Variants in RIC1 observed in about 807,000 individuals in gnomAD.
RIC1 encodes guanine nucleotide exchange factor subunit RIC1.
In RIC1, 88 loss-of-function variants were observed where a neutral mutation model predicts 169.0. That is an observed-to-expected ratio of 0.52 (90% CI 0.44 to 0.62). The LOEUF (loss-of-function observed/expected upper bound fraction) is 0.62. Among genes scored for constraint, RIC1 ranks in the 20% least tolerant of loss-of-function variants. RIC1 has a pLI of 0.00. For missense variants in RIC1, 1,877 were observed against 1,725.5 expected (o/e 1.09, Z -1.56); for synonymous variants, 790 against 601.5 (o/e 1.31, Z -4.59).
intron 1 of RIC1, among the ~76,000 whole-genome samples, chr9:5,640,488 C>G (rs746869329): frequency 2.6e-5 from 4 of 152,034 alleles, no homozygotes; most frequent in Non-Finnish European, 4.4e-5. Context: ...GAAAAGTTGT[C>G]GTTATTCTTT....
At chr9:5,636,825 G>A (rs748626905) in intron 1 of RIC1, among the ~76,000 whole-genome samples, 13 of 152,010 alleles carry the variant, frequency 8.6e-5, no homozygotes, top group African/African-American at 1.7e-4. Context: ...GCTTTATATC[G>A]TAAGTTTTGC....
At chr9:5,639,866 A>G (rs376925929) in intron 1 of RIC1, among the ~76,000 whole-genome samples, 5 of 152,068 alleles carry the variant, frequency 3.3e-5, no homozygotes, top group Non-Finnish European at 5.9e-5. Flanking sequence ...CTTGAAATCT[A>G]TTTTGTCAGT....
intron 1 of RIC1, among the ~76,000 whole-genome samples, chr9:5,655,228 C>T (rs530707226): frequency 6.6e-6 from 1 of 152,160 alleles, no homozygotes; most frequent in South Asian, 2.1e-4. Context: ...GAAAAAATTT[C>T]TTTCTATTCC....
intron 3 of RIC1, among the ~76,000 whole-genome samples, chr9:5,701,599 A>G (rs1822225179): frequency 6.6e-6 from 1 of 152,124 alleles, no homozygotes. Context: ...ATTTAAAAAA[A>G]AAAAAAAAGA....
chr9:5,671,254 ATT>A (rs1820074412), intron 2 of RIC1, among the ~76,000 whole-genome samples: 2 of 150,652 alleles, frequency 1.3e-5, no homozygotes, highest in African/African-American at 4.9e-5. Flanking sequence ...TGTATTATTT[ATT>A]TTATTATTAT....
intron 2 of RIC1, among the ~76,000 whole-genome samples, chr9:5,663,543 C>T (rs1040874674): frequency 6.6e-6 from 1 of 152,062 alleles, no homozygotes; most frequent in Non-Finnish European, 1.5e-5. Context: ...ATATTTGGCG[C>T]TTATTAAATT....
At position 5,629,218 on chromosome 9, in the gene RIC1, T is replaced by C; in HGVS notation, c.-92T>C. 5 of 1,221,860 alleles carry C rather than the reference T, an allele frequency of 4.1e-6. No individual in the cohort carries two copies. Among genetic ancestry groups the C allele is most frequent in the Non-Finnish European group, 5.2e-6 (5 of 965,438 alleles). 75.7% of individuals were successfully genotyped at this position (1,221,860 alleles called of 1,614,324 possible). On this transcript the variant is annotated 5_prime_UTR_variant, in exon 1 of 26. Coordinates refer to ENST00000414202, the MANE Select transcript of RIC1 (RefSeq NM_020829.4). ...AGCTGCCGCCGCCGCCGCCGCCGAC[T>C]CGGCCGGTGGCGGTGTGGGAGGTGG...
chr9:5,661,156 T>C (rs1489039586), intron 2 of RIC1, among the ~76,000 whole-genome samples: 2 of 152,154 alleles, frequency 1.3e-5, no homozygotes, highest in Non-Finnish European at 2.9e-5. Flanking sequence ...GTGGGTGTTC[T>C]TGTTTCTGGG....
intron 6 of RIC1, among the ~76,000 whole-genome samples, chr9:5,729,490 A>G (rs1373465107): frequency 1.3e-5 from 2 of 152,168 alleles, no homozygotes; most frequent in African/African-American, 4.8e-5. Flanking sequence ...GATTCTACTC[A>G]TTGATATGCT....
intron 2 of RIC1, among the ~76,000 whole-genome samples, chr9:5,689,316 A>T (rs533015437): frequency 6.6e-6 from 1 of 151,906 alleles, no homozygotes; most frequent in East Asian, 1.9e-4. Flanking sequence ...CTCCCAAAAT[A>T]CTGGGATTAC....
chr9:5,708,300 G>GA (rs1355780732), intron 3 of RIC1, among the ~76,000 whole-genome samples: 3 of 151,798 alleles, frequency 2.0e-5, no homozygotes, highest in Admixed American at 1.3e-4. Context: ...GTCATATAGG[G>GA]AAAAAAAGGC....
chr9:5,727,696 G>A (rs899234307), intron 6 of RIC1, among the ~76,000 whole-genome samples: 1 of 152,188 alleles, frequency 6.6e-6, no homozygotes, highest in Non-Finnish European at 1.5e-5. Flanking sequence ...AGTCTTTGAT[G>A]ATGCTGACAT....
intron 16 of RIC1, 145 bp from the exon 17 acceptor site, chr9:5,757,168 C>A (rs984127493): frequency 6.5e-6 from 6 of 919,148 alleles, no homozygotes; most frequent in African/African-American, 3.3e-5. Context: ...ACTTCCTGAT[C>A]GAAGGATATA....
intron 7 of RIC1, among the ~76,000 whole-genome samples, chr9:5,734,848 C>G (rs929194729): frequency 5.3e-5 from 8 of 152,202 alleles, no homozygotes; most frequent in Admixed American, 2.6e-4. Flanking sequence ...AATTTATCCA[C>G]TTTGCTGTTG....
chr9:5,729,579 C>G (rs1824232428), intron 6 of RIC1, among the ~76,000 whole-genome samples: 1 of 152,030 alleles, frequency 6.6e-6, no homozygotes, highest in Non-Finnish European at 1.5e-5. Context: ...AACAAAAACT[C>G]TTTTCTCTTC....
At position 5,772,622 on chromosome 9, in the gene RIC1, T is replaced by C. The variant is rs1256450224; in HGVS notation, c.3675T>C (p.Asp1225=). 1.9e-6 allele frequency: 3 copies of C among 1,613,884 alleles called. No homozygotes were observed. The highest frequency in any genetic ancestry group is 2.7e-5 in the African/African-American group (2 of 74,934). Residue 1225 remains aspartate (D), a synonymous_variant, in exon 24 of 26, where the codon GAT becomes GAC. Coordinates refer to ENST00000414202, the MANE Select transcript of RIC1 (RefSeq NM_020829.4). ...TGACTGAAAGTAGCTCCATGGTGGA[T>C]GGCGACTGGACAATGGTGGATGAAA... is the stretch of plus-strand genomic sequence containing the variant. ...TDLTESSSMV[D]GDWTMVDENF...
intron 21 of RIC1, among the ~76,000 whole-genome samples, chr9:5,767,162 G>A (rs1273001543): frequency 2.0e-5 from 3 of 152,170 alleles, no homozygotes; most frequent in Non-Finnish European, 2.9e-5. Flanking sequence ...TCTTAAAGTC[G>A]TAATTTTACC....
At position 5,642,345 on chromosome 9, in the gene RIC1, AG is replaced by A. The variant is rs989642343; in HGVS notation, c.144+12893del. Among the ~76,000 whole-genome samples the A allele has an allele frequency of 7.0e-5, 10 of 143,590 alleles. 3 individuals carry two copies. The highest frequency in any genetic ancestry group is 2.9e-4 in the African/African-American group (10 of 34,814). The allele number at this position is 143,590 out of a possible 152,430, so 94.2% of individuals were successfully genotyped here. A position where few individuals can be genotyped will look rare whatever the true frequency, so the allele number is the denominator to read the frequency against. On this transcript the variant is annotated intron_variant, in intron 1 of 25. Transcript: ENST00000414202. ...TGAAACTAAGCTGGGTTAGACCTGAAGCCAGCAGAGCACTGGGTCTCATCCA... is the reference window on the plus strand; with the variant it reads ...TGAAACTAAGCTGGGTTAGACCTGAACCAGCAGAGCACTGGGTCTCATCCA...
At chr9:5,744,852 G>C (rs1008649294) in intron 10 of RIC1, among the ~76,000 whole-genome samples, 1 of 152,062 alleles carries the variant, frequency 6.6e-6, no homozygotes, top group African/African-American at 2.4e-5. Context: ...AGTTTTTCTT[G>C]CTATAGCCCC....
Sources: allele counts gnomAD v4.1 joint callset (sites outside exome capture counted in the v4.1 genomes callset), GRCh38; gene constraint gnomAD v4.1.1; transcripts MANE v1.5; gene names NCBI Gene and HGNC (gene_info 2026-07-23, HGNC 2026-07-21).